NPC1: variants seen among roughly 807,000 people sequenced by gnomAD.
The protein encoded by NPC1 is NPC intracellular cholesterol transporter 1, also known as Niemann-Pick C1 protein.
A neutral mutation model predicts 140.4 loss-of-function variants in NPC1; 85 were observed. The observed-to-expected ratio is 0.61, with a 90% CI of 0.51 to 0.72. The LOEUF is 0.72. Among genes scored for constraint, NPC1 ranks in the 30% least tolerant of loss-of-function variants. NPC1 has a pLI of 0.00. For synonymous variants in NPC1, 656 were observed against 624.8 expected (o/e 1.05, Z -0.74); for missense variants, 1,504 against 1,623.8 (o/e 0.93, Z 1.27).
chr18:23,523,554 A>G (rs934429367), intron 1 of NPC1, among the ~76,000 whole-genome samples: 1 of 112,800 alleles, frequency 8.9e-6, no homozygotes, highest in Non-Finnish European at 2.1e-5. Flanking sequence ...AAAAAAAAAA[A>G]AAAAAAAAAA....
At chr18:23,531,199 C>T (rs961775118), downstream of NPC1, among the ~76,000 whole-genome samples, 2 of 152,046 alleles carry the variant, frequency 1.3e-5, no homozygotes, top group African/African-American at 4.8e-5. Flanking sequence ...CTATATTGTC[C>T]AGGCTGGTCT....
intron 4 of NPC1, among the ~76,000 whole-genome samples, chr18:23,568,034 C>T (rs868392069): frequency 6.6e-6 from 1 of 151,472 alleles, no homozygotes; most frequent in African/African-American, 2.4e-5. Context: ...TAAAACTTTC[C>T]AATTGGGATT....
At chr18:23,544,754 T>C (rs1475892292) in intron 12 of NPC1, among the ~76,000 whole-genome samples, 1 of 152,136 alleles carries the variant, frequency 6.6e-6, no homozygotes, top group Admixed American at 6.5e-5. Flanking sequence ...AAAAACTGGA[T>C]TATGTGAAAT....
chr18:23,569,844 C>T (rs2059176788), intron 3 of NPC1, among the ~76,000 whole-genome samples: 3 of 152,188 alleles, frequency 2.0e-5, no homozygotes, highest in Non-Finnish European at 4.4e-5. Context: ...TGCCTGCTAT[C>T]CTTCAGGTTC....
In NPC1 at chr18:23,533,480, A is replaced by G. The variant is rs2058573260; in HGVS notation, c.3629T>C (p.Ile1210Thr). Reference protein sequence around the residue: ...SGITLTKFGGIVVLAFAKSQI... With the variant: ...SGITLTKFGGTVVLAFAKSQI... ...AGATTTGGCAAAAGCCAACACCACA[A>G]TCCCTCCAAATTTTGTAAGTGTGAT... The change falls in exon 24 of 25, where the codon ATT becomes ACT. Residue 1210 changes from isoleucine to threonine, a missense_variant. By Grantham distance (89) the Ile-to-Thr change is moderately conservative (BLOSUM62 -1). Transcript: ENST00000269228. The G allele has an allele frequency of 1.2e-6, 2 of 1,614,272 alleles. No homozygotes were observed. The highest frequency in any genetic ancestry group is 1.7e-6 in the Non-Finnish European group (2 of 1,180,034).
downstream of NPC1, chr18:23,527,663 A>T: frequency 6.1e-6 from 1 of 163,920 alleles, no homozygotes; most frequent in South Asian, 9.4e-5. Context: ...AGGTCTTTAA[A>T]GTAGAGTGTC....
At chr18:23,524,535 G>A, downstream of NPC1, 1 of 1,579,512 alleles carries the variant, frequency 6.3e-7, no homozygotes, top group African/African-American at 1.3e-5. Context: ...GTTGACTTTG[G>A]ATCCCAGTTG....
intron 18 of NPC1, 28 bp downstream of exon 18, chr18:23,539,783 C>T: frequency 1.2e-6 from 2 of 1,611,436 alleles, no homozygotes; most frequent in Non-Finnish European, 1.7e-6. Context: ...TCCGCTGCTT[C>T]TGAAGTACAA....
At chr18:23,585,619 C>A (rs1288951026) in intron 1 of NPC1, among the ~76,000 whole-genome samples, 1 of 152,088 alleles carries the variant, frequency 6.6e-6, no homozygotes, top group Non-Finnish European at 1.5e-5. Flanking sequence ...GTGCTCTTTC[C>A]CAAAGCTATT....
intron 6 of NPC1, among the ~76,000 whole-genome samples, chr18:23,559,261 T>C (rs1482316725): frequency 1.3e-5 from 2 of 152,196 alleles, no homozygotes; most frequent in South Asian, 4.1e-4. Flanking sequence ...CTGGGTCAAA[T>C]GGTATTTCTA....
rs1014868179 is a variant in NPC1, at chr18:23,516,094, T to A, written c.432-9452A>T. ...CAGGCACGTTAGGGACAGGTTCCTC[T>A]AGCCGTAACGTCACCGCTCTGACCA... On this transcript the variant is annotated intron_variant, in intron 3 of 3. Transcript: ENST00000591107. 9 of 1,553,528 alleles carry A rather than the reference T, an allele frequency of 5.8e-6. No homozygotes were observed. In the African/African-American group the frequency reaches 1.2e-4, roughly 21 times the overall value.
In NPC1 at chr18:23,554,838, G is replaced by A. The variant is rs2058926902; in HGVS notation, c.1473C>T (p.Ser491=). The change falls in exon 9 of 25, where the codon AGC becomes AGT. Residue 491 remains serine, a synonymous_variant. Coordinates refer to ENST00000269228, the MANE Select transcript of NPC1 (RefSeq NM_000271.5). ...CTTTCTTGTGGTCCAGCACGGAATG[G>A]CTGTTCTGGAAGTAATTTAACACAC... ...ILSVLNYFQN[S]HSVLDHKKGD... is the part of the protein sequence containing the mutation. 6.2e-7 allele frequency: 1 copy of A among 1,614,128 alleles called. No homozygotes were observed. Among genetic ancestry groups the A allele is most frequent in the Non-Finnish European group, 8.5e-7 (1 of 1,179,980 alleles).
intron 4 of NPC1, among the ~76,000 whole-genome samples, chr18:23,567,164 A>G (rs1432871733): frequency 1.3e-5 from 2 of 152,216 alleles, no homozygotes; most frequent in East Asian, 3.8e-4. Flanking sequence ...GTTTTGGGGT[A>G]GACACATTTT....
intron 1 of NPC1, among the ~76,000 whole-genome samples, chr18:23,578,869 C>T (rs1268906075): frequency 6.6e-6 from 1 of 152,228 alleles, no homozygotes; most frequent in Admixed American, 6.5e-5. Flanking sequence ...CATAGCGAAC[C>T]TATCGCTCAC....
downstream of NPC1, chr18:23,529,175 T>C (rs759107563): frequency 2.5e-6 from 4 of 1,609,160 alleles, no homozygotes; most frequent in East Asian, 8.9e-5. Flanking sequence ...TTTTTTTCTT[T>C]CAGGCGGTGG....
At chr18:23,527,768 C>T, downstream of NPC1, 1 of 1,581,238 alleles carries the variant, frequency 6.3e-7, no homozygotes, top group Non-Finnish European at 8.7e-7. Context: ...TTGGTTTGAT[C>T]CGTGTGTGAA....
chr18:23,554,908 C>A lies in NPC1; in HGVS notation c.1403G>T (p.Cys468Phe). ...DNETVTLQDICLAPLSPYNTN... is the reference protein window; with the variant it reads ...DNETVTLQDIFLAPLSPYNTN... ...GTTATACGGTGAAAGAGGGGCCAAG[C>A]AGATGTCTTGAAGTGTCACAGTCTC... The change falls in exon 9 of 25, where the codon TGC (cysteine) becomes TTC (phenylalanine). Residue 468 changes from cysteine to phenylalanine, a missense_variant. Transcript: ENST00000269228. 1 of 1,614,128 alleles carries A rather than the reference C, an allele frequency of 6.2e-7. No homozygotes were observed. The highest frequency in any genetic ancestry group is 8.5e-7 in the Non-Finnish European group (1 of 1,179,980).
At chr18:23,569,270 T>C (rs1361006918) in intron 3 of NPC1, among the ~76,000 whole-genome samples, 1 of 152,266 alleles carries the variant, frequency 6.6e-6, no homozygotes, top group African/African-American at 2.4e-5. Flanking sequence ...CTTTATAATT[T>C]AGAGACATAC....
Position 23,531,554 on chromosome 18 carries a change from C to T in NPC1, c.*648G>A. The T allele has an allele frequency of 2.5e-6, 4 of 1,581,606 alleles. No homozygotes were observed. Among genetic ancestry groups the T allele is most frequent in the South Asian group, 1.2e-5 (1 of 85,498 alleles). On this transcript the variant is annotated 3_prime_UTR_variant, in exon 25 of 25. Coordinates refer to ENST00000269228, the MANE Select transcript of NPC1 (RefSeq NM_000271.5). The stretch of plus-strand genomic sequence containing the variant: ...AATAAGTTAAAACCCAGTAGACACA[C>T]CTACGAGATGCTTTCTTTGTCCCTC...
Sources: allele counts gnomAD v4.1 joint callset (sites outside exome capture counted in the v4.1 genomes callset), GRCh38; gene constraint gnomAD v4.1.1; transcripts MANE v1.5; gene names NCBI Gene and HGNC (gene_info 2026-07-23, HGNC 2026-07-21).